DSCAM: variants seen among roughly 807,000 people sequenced by gnomAD.
DSCAM encodes cell adhesion molecule DSCAM.
DSCAM carries 47 observed loss-of-function variants against 217.7 expected under a neutral mutation model. That is an observed-to-expected ratio of 0.22 (90% CI 0.17 to 0.28). The LOEUF (loss-of-function observed/expected upper bound fraction) is 0.28, where lower values mean the gene tolerates loss of function less well. Ranked by LOEUF, DSCAM falls within the 10% of genes least tolerant of loss-of-function variation. DSCAM has a pLI of 1.00. For synonymous variants in DSCAM, 1,056 were observed against 1,015.3 expected, an observed-to-expected ratio of 1.04 and a Z score of -0.76; for missense variants, 2,080 against 2,618.3, an observed-to-expected ratio of 0.79 and a Z score of 4.49.
At chr21:40,570,711 T>C (rs2076799471) in intron 3 of DSCAM, among the ~76,000 whole-genome samples, 1 of 152,178 alleles carries the variant, frequency 6.6e-6, no homozygotes, top group Non-Finnish European at 1.5e-5. Context: ...CAGATGGAAC[T>C]ATCAGGACGT....
chr21:40,422,433 C>T (rs2075433251), intron 3 of DSCAM, among the ~76,000 whole-genome samples: 1 of 151,596 alleles, frequency 6.6e-6, no homozygotes. Flanking sequence ...AGTTTGAGAC[C>T]AAATTGGCCA....
intron 3 of DSCAM, among the ~76,000 whole-genome samples, chr21:40,548,511 A>AT (rs59485695): frequency 0.012 from 1,604 of 132,730 alleles, 25 homozygotes; most frequent in African/African-American, 0.039. Flanking sequence ...AGTAAAAAAA[A>AT]AAATATATAT....
At chr21:40,040,261 G>A (rs1165547202) in intron 32 of DSCAM, among the ~76,000 whole-genome samples, 1 of 152,168 alleles carries the variant, frequency 6.6e-6, no homozygotes, top group Non-Finnish European at 1.5e-5. Flanking sequence ...AATAGTCTAT[G>A]AAGACAATAG....
chr21:40,840,348 T>G (rs79233591), intron 1 of DSCAM, among the ~76,000 whole-genome samples: 15,615 of 152,190 alleles, frequency 0.1, 996 homozygotes, highest in Admixed American at 0.16. Flanking sequence ...GGCTCTTTGA[T>G]GAAGAAATGA....
intron 3 of DSCAM, among the ~76,000 whole-genome samples, chr21:40,414,837 A>C (rs1172228229): frequency 2.6e-5 from 4 of 152,240 alleles, no homozygotes; most frequent in Non-Finnish European, 5.9e-5. Flanking sequence ...CTAAAAGCTA[A>C]AAAGATAATT....
At chr21:40,690,049 T>A (rs2090522671) in intron 3 of DSCAM, among the ~76,000 whole-genome samples, 1 of 152,166 alleles carries the variant, frequency 6.6e-6, no homozygotes, top group Admixed American at 6.5e-5. Context: ...AGGGAGGCTG[T>A]CCTCTGTCCT....
intron 3 of DSCAM, among the ~76,000 whole-genome samples, chr21:40,398,262 C>T (rs1343802936): frequency 1.3e-5 from 2 of 152,140 alleles, no homozygotes; most frequent in African/African-American, 4.8e-5. Context: ...TTATTCTGAG[C>T]ATCCTGAAGT....
chr21:40,814,788 T>C (rs1397297523), intron 1 of DSCAM, among the ~76,000 whole-genome samples: 1 of 152,082 alleles, frequency 6.6e-6, no homozygotes, highest in Non-Finnish European at 1.5e-5. Context: ...GGTAATCCAG[T>C]TAACAGGAGG....
At chr21:40,676,343 C>A (rs562760086) in intron 3 of DSCAM, among the ~76,000 whole-genome samples, 1 of 152,172 alleles carries the variant, frequency 6.6e-6, no homozygotes, top group South Asian at 2.1e-4. Context: ...ATGCATCAGG[C>A]CTCGCGGAGC....
chr21:40,437,180 G>T (rs1205828200), intron 3 of DSCAM, among the ~76,000 whole-genome samples: 1 of 152,164 alleles, frequency 6.6e-6, no homozygotes, highest in African/African-American at 2.4e-5. Flanking sequence ...CCTACAGGCG[G>T]CTTTCTTCAG....
chr21:40,190,410 C>T (rs530236815), intron 11 of DSCAM, among the ~76,000 whole-genome samples: 180 of 152,212 alleles, frequency 1.2e-3, no homozygotes, highest in Non-Finnish European at 1.6e-3. Context: ...GCTTTGACTA[C>T]CTGAGAGGCA....
chr21:40,055,597 C>T, intron 29 of DSCAM, 128 bp downstream of exon 29: 1 of 675,456 alleles, frequency 1.5e-6, no homozygotes, highest in South Asian at 1.9e-5. Context: ...TCTCTACCTT[C>T]TAGCTTTGGT....
At chr21:40,775,083 A>T (rs527762633) in intron 1 of DSCAM, among the ~76,000 whole-genome samples, 15 of 152,264 alleles carry the variant, frequency 9.9e-5, no homozygotes, top group African/African-American at 3.6e-4. Context: ...CACAAATGCC[A>T]TGATCCCAAA....
chr21:40,760,509 C>A (rs979391311), intron 1 of DSCAM, among the ~76,000 whole-genome samples: 1 of 152,176 alleles, frequency 6.6e-6, no homozygotes, highest in Non-Finnish European at 1.5e-5. Flanking sequence ...GTCTTTCTAT[C>A]CAACTGCAGA....
intron 1 of DSCAM, among the ~76,000 whole-genome samples, chr21:40,786,982 C>A (rs754500137): frequency 6.6e-6 from 1 of 152,220 alleles, no homozygotes; most frequent in Non-Finnish European, 1.5e-5. Flanking sequence ...GGAACCCAGC[C>A]CTGCCTGATT....
chr21:40,359,128 G>A (rs2074729251), intron 4 of DSCAM, among the ~76,000 whole-genome samples: 1 of 152,158 alleles, frequency 6.6e-6, no homozygotes. Flanking sequence ...CACAAACAAT[G>A]CTGGTGAAGA....
chr21:40,136,324 C>T (rs1280195878), intron 18 of DSCAM, among the ~76,000 whole-genome samples: 1 of 152,132 alleles, frequency 6.6e-6, no homozygotes, highest in Non-Finnish European at 1.5e-5. Flanking sequence ...AGGATAAAAA[C>T]CCAAATGTAA....
intron 5 of DSCAM, among the ~76,000 whole-genome samples, chr21:40,351,542 C>G (rs1040946465): frequency 1.3e-5 from 2 of 152,076 alleles, no homozygotes; most frequent in Non-Finnish European, 2.9e-5. Flanking sequence ...GAAACAGAGC[C>G]TAAGGAAAAG....
At position 40,778,293 on chromosome 21, in the gene DSCAM, TA is replaced by T. The variant is rs200766399; in HGVS notation, c.43+68325del. Among the ~76,000 whole-genome samples, 1,334 of 151,348 alleles carry T rather than the reference TA, an allele frequency of 8.8e-3. 23 individuals carry two copies. The highest frequency in any genetic ancestry group is 0.029 in the African/African-American group (1,209 of 41,306). On this transcript the variant is annotated intron_variant, in intron 1 of 32. Coordinates refer to ENST00000400454, the MANE Select transcript of DSCAM (RefSeq NM_001389.5). The stretch of plus-strand genomic sequence containing the variant: ...ATAAAATAATACCTAGTATCTGGGT[TA>T]AAAAAAAATAAATATATAGAAGTAG...
Sources: allele counts gnomAD v4.1 joint callset (sites outside exome capture counted in the v4.1 genomes callset), GRCh38; gene constraint gnomAD v4.1.1; transcripts MANE v1.5; gene names NCBI Gene and HGNC (gene_info 2026-07-23, HGNC 2026-07-21).